TTC7B: variants seen among roughly 807,000 people sequenced by gnomAD.
TTC7B encodes the protein tetratricopeptide repeat protein 7B.
TTC7B carries 28 observed loss-of-function variants against 106.8 expected under a neutral mutation model. The observed-to-expected ratio is 0.26, with a 90% confidence interval of 0.19 to 0.36. The LOEUF is 0.36. Ranked by LOEUF, TTC7B falls within the 10% of genes least tolerant of loss-of-function variation. TTC7B has a pLI of 1.00. For missense variants in TTC7B, 862 were observed against 1,076.4 expected (o/e 0.80, Z 2.79); for synonymous variants, 405 against 430.6 (o/e 0.94, Z 0.74).
chr14:90,634,837 G>A (rs1422075272), intron 15 of TTC7B, among the ~76,000 whole-genome samples: 1 of 152,056 alleles, frequency 6.6e-6, no homozygotes, highest in African/African-American at 2.4e-5. Flanking sequence ...GGAACTTCTT[G>A]GAAATGATAA....
At chr14:90,750,322 G>T (rs1380756159) in intron 3 of TTC7B, among the ~76,000 whole-genome samples, 1 of 152,154 alleles carries the variant, frequency 6.6e-6, no homozygotes, top group Non-Finnish European at 1.5e-5. Context: ...ATTCCCCAGA[G>T]TATGTCAAAG....
In TTC7B at chr14:90,530,523, G is replaced by C. The variant is rs1413061312; in HGVS notation, c.*10845C>G. On this transcript the variant is annotated 3_prime_UTR_variant, in exon 20 of 20. Transcript: ENST00000328459. Reference sequence around the variant, plus strand: ...CCATTTGATGAGGGATCTTCAGATGGGGAGAGTGTCTTGGATTATCCAGGT... The same window carrying C: ...CCATTTGATGAGGGATCTTCAGATGCGGAGAGTGTCTTGGATTATCCAGGT... 1.3e-5 allele frequency: 2 copies of C among 152,230 alleles called. No individual in the cohort carries two copies. Among genetic ancestry groups the C allele is most frequent in the Non-Finnish European group, 2.9e-5 (2 of 68,052 alleles). The allele number at this position is 152,230 out of a possible 1,614,324, so 9.4% of individuals were successfully genotyped here.
Position 90,780,470 on chromosome 14 carries a change from AAAAG to A in TTC7B, c.445+264_445+267del, listed in dbSNP as rs34296215. ...AGGAAAGAAAAGAAAGAAAGAAAGA[AAAAG>A]AAAGAAAGAAAGAAAGGAAAGAAAC... On this transcript the variant is annotated intron_variant, in intron 3 of 19. Transcript: ENST00000328459. 4.6e-4 allele frequency among the ~76,000 whole-genome samples: 68 copies of A among 146,468 alleles called. 1 individual carries two copies. Among genetic ancestry groups the A allele is most frequent in the South Asian group, 1.3e-3 (6 of 4,602 alleles).
chr14:90,797,550 T>C (rs953877628), intron 1 of TTC7B, among the ~76,000 whole-genome samples: 1 of 151,796 alleles, frequency 6.6e-6, no homozygotes, highest in African/African-American at 2.4e-5. Context: ...ATTTGCAGTA[T>C]TTGTGATCCC....
rs529408596 is a variant in TTC7B at position 90,584,232 on chromosome 14, C to T, written c.2108-5924G>A. 3.9e-5 allele frequency among the ~76,000 whole-genome samples: 6 copies of T among 152,334 alleles called. No individual in the cohort carries two copies. The East Asian group carries it at 1.2e-3, about 29-fold the overall frequency. On this transcript the variant is annotated intron_variant, in intron 18 of 19. Coordinates refer to ENST00000328459, the MANE Select transcript of TTC7B (RefSeq NM_001010854.2). ...AGGGCAAGCTACTCTGTGAAGGTTT[C>T]TCTCTCAAGGTGAAGTGGTGTTCCT...
intron 19 of TTC7B, among the ~76,000 whole-genome samples, chr14:90,564,770 T>C (rs1163928948): frequency 6.6e-6 from 1 of 151,940 alleles, no homozygotes; most frequent in Non-Finnish European, 1.5e-5. Flanking sequence ...AATTAGCGGG[T>C]TGTGGTGATA....
chr14:90,553,196 C>A (rs992780306), intron 19 of TTC7B, among the ~76,000 whole-genome samples: 7 of 152,224 alleles, frequency 4.6e-5, no homozygotes, highest in Admixed American at 1.3e-4. Flanking sequence ...AGGTGCAGCA[C>A]CTCTGCTCAC....
intron 17 of TTC7B, among the ~76,000 whole-genome samples, chr14:90,604,694 T>C (rs1437359321): frequency 6.6e-6 from 1 of 152,150 alleles, no homozygotes; most frequent in Non-Finnish European, 1.5e-5. Context: ...CAGTGAACAT[T>C]AAATAAATGA....
intron 17 of TTC7B, among the ~76,000 whole-genome samples, chr14:90,607,341 C>T (rs972715412): frequency 6.6e-6 from 1 of 152,156 alleles, no homozygotes; most frequent in Admixed American, 6.5e-5. Context: ...GGCTGTGCAC[C>T]CTCACGGATG....
chr14:90,633,466 A>C (rs1173497049), intron 15 of TTC7B, among the ~76,000 whole-genome samples: 1 of 152,218 alleles, frequency 6.6e-6, no homozygotes, highest in Non-Finnish European at 1.5e-5. Flanking sequence ...TTTCAGTAAC[A>C]CTGAAGTTCT....
chr14:90,646,450 C>T (rs111578928), intron 14 of TTC7B, among the ~76,000 whole-genome samples: 12 of 152,342 alleles, frequency 7.9e-5, no homozygotes, highest in East Asian at 1.9e-4. Flanking sequence ...CGAGTAGCCA[C>T]GGTGTGTAAC....
intron 19 of TTC7B, among the ~76,000 whole-genome samples, chr14:90,557,480 C>G (rs994948005): frequency 6.6e-6 from 1 of 152,238 alleles, no homozygotes; most frequent in Non-Finnish European, 1.5e-5. Context: ...AAATCTTCCA[C>G]CCAAGGAATA....
chr14:90,637,286 CAT>C (rs1884985166), intron 15 of TTC7B, among the ~76,000 whole-genome samples: 1 of 151,556 alleles, frequency 6.6e-6, no homozygotes. Context: ...CAAATCCTTA[CAT>C]ATAATATAAT....
At chr14:90,680,714 T>C (rs1212121772) in intron 7 of TTC7B, among the ~76,000 whole-genome samples, 179 bp from the exon 8 acceptor site, 2 of 152,232 alleles carry the variant, frequency 1.3e-5, no homozygotes, top group Non-Finnish European at 2.9e-5. Context: ...TCATACATTT[T>C]AGCTATGCAT....
intron 1 of TTC7B, among the ~76,000 whole-genome samples, chr14:90,813,672 C>CTT (rs374826647): frequency 0.35 from 48,657 of 140,588 alleles, 8,779 homozygotes; most frequent in East Asian, 0.54. Context: ...ACACTGTATT[C>CTT]TTTTTTTTTT....
chr14:90,629,586 GT>G (rs1421036297), intron 15 of TTC7B, among the ~76,000 whole-genome samples: 10 of 152,254 alleles, frequency 6.6e-5, no homozygotes, highest in African/African-American at 2.4e-4. Flanking sequence ...CCGGGGCCAG[GT>G]GCTGGGGAGC....
At chr14:90,636,999 CAGAACTT>C (rs1323476174) in intron 15 of TTC7B, among the ~76,000 whole-genome samples, 4 of 146,130 alleles carry the variant, frequency 2.7e-5, no homozygotes, top group Non-Finnish European at 4.5e-5. Context: ...TACAACAAGA[CAGAACTT>C]AGAGAAAACA....
intron 19 of TTC7B, among the ~76,000 whole-genome samples, chr14:90,544,766 G>C (rs920924125): frequency 6.6e-6 from 1 of 152,112 alleles, no homozygotes; most frequent in African/African-American, 2.4e-5. Flanking sequence ...GCAGGAGCTC[G>C]TCACACGCCT....
rs2030582511 is a variant in TTC7B at position 90,805,995 on chromosome 14, AAACTT to A, written c.121+10175_121+10179del. On this transcript the variant is annotated intron_variant, in intron 1 of 19. Transcript: ENST00000328459. This position sits in a 1 kb window ranked among gnomAD's most constrained non-coding sequence, Gnocchi z 4.0. The stretch of plus-strand genomic sequence containing the variant: ...AAGATTTGATCAGATGAGAAAGAAA[AAACTT>A]AAGAGTTTCTTCTCTGTTCCTGGAA... Among the ~76,000 whole-genome samples the A allele has an allele frequency of 6.6e-6, 1 of 152,240 alleles. No homozygotes were observed. The highest frequency in any genetic ancestry group is 2.4e-5 in the African/African-American group (1 of 41,466).
Sources: gnomAD v4.1 joint callset for allele counts (sites outside exome capture counted in the v4.1 genomes callset) on GRCh38, gnomAD v4.1.1 for gene constraint, Gnocchi (gnomAD v3.1) non-coding constraint, MANE v1.5 for transcripts, NCBI Gene and HGNC (gene_info 2026-07-23, HGNC 2026-07-21) for gene names.